LYZL1: variants seen among roughly 807,000 people sequenced by gnomAD.
LYZL1 encodes lysozyme-like protein 1.
LYZL1 carries 16 observed loss-of-function variants against 17.9 expected under a neutral mutation model. That is an observed-to-expected ratio of 0.90 (90% CI 0.61 to 1.36). LYZL1 has a LOEUF of 1.36. Among genes scored for constraint, LYZL1 ranks in the 40% most tolerant of loss-of-function variants. The pLI, the probability that LYZL1 is intolerant of heterozygous loss-of-function variation, is 0.00. For synonymous variants in LYZL1, 58 were observed against 71.8 expected, an observed-to-expected ratio of 0.81 and a Z score of 0.97; for missense variants, 149 against 188.4, an observed-to-expected ratio of 0.79 and a Z score of 1.22.
exon 5 of LYZL1, chr10:29,318,244 T>C: frequency 1.0e-6 from 1 of 955,370 alleles, no homozygotes. Context: ...AGTGGCAACA[T>C]AATTCTTGGT....
At chr10:29,310,901 AT>A in intron 4 of LYZL1, 88 bp from the exon 5 acceptor site, 12 of 1,603,268 alleles carry the variant, frequency 7.5e-6, no homozygotes, top group Non-Finnish European at 8.5e-6. Flanking sequence ...TCCGCTGGCG[AT>A]TTTGGTTAAT....
intron 2 of LYZL1, among the ~76,000 whole-genome samples, chr10:29,292,307 C>T (rs1231233084): frequency 1.3e-5 from 2 of 151,568 alleles, no homozygotes; most frequent in African/African-American, 2.4e-5. Flanking sequence ...AGATTAGGCT[C>T]AGCCCCTGAC....
At chr10:29,304,218 A>C (rs190176775) in intron 3 of LYZL1, among the ~76,000 whole-genome samples, 4 of 152,336 alleles carry the variant, frequency 2.6e-5, no homozygotes, top group Admixed American at 2.6e-4. Flanking sequence ...ATACCTACAC[A>C]TATACATACA....
At chr10:29,313,481 A>T (rs891171449), downstream of LYZL1, among the ~76,000 whole-genome samples, 69 of 152,190 alleles carry the variant, frequency 4.5e-4, 1 homozygote, top group Admixed American at 6.5e-5. Flanking sequence ...ATTTTTTTTA[A>T]ACCAACTCCA....
downstream of LYZL1, among the ~76,000 whole-genome samples, chr10:29,316,031 T>C (rs1166436169): frequency 1.3e-5 from 2 of 152,120 alleles, no homozygotes; most frequent in Non-Finnish European, 2.9e-5. Context: ...GCGCTTGGGC[T>C]GCAAGCAGTT....
Position 29,309,419 on chromosome 10 carries a change from G to A in LYZL1, c.299-691G>A, listed in dbSNP as rs117590255. ...CAATATGAAATGACAATAGACAAAG[G>A]TTTAATATTTACCTCCAAAGAGAAC... On this transcript the variant is annotated intron_variant, in intron 3 of 4. Transcript: ENST00000649382. Among the ~76,000 whole-genome samples the A allele has an allele frequency of 7.4e-3, 1,120 of 152,198 alleles. 19 individuals carry two copies. Among genetic ancestry groups the A allele is most frequent in the East Asian group, 0.066 (344 of 5,176 alleles).
intron 3 of LYZL1, among the ~76,000 whole-genome samples, chr10:29,297,384 G>A (rs986069868): frequency 6.6e-6 from 1 of 152,102 alleles, no homozygotes; most frequent in Non-Finnish European, 1.5e-5. Context: ...AATTTGTAAG[G>A]TTCATCACAT....
At chr10:29,315,835 T>G, downstream of LYZL1, among the ~76,000 whole-genome samples, 1 of 146,630 alleles carries the variant, frequency 6.8e-6, no homozygotes, top group African/African-American at 2.5e-5. Context: ...GGCAACAGAG[T>G]GAAACACTGT....
chr10:29,306,641 G>T (rs1453151588), intron 3 of LYZL1, among the ~76,000 whole-genome samples: 8 of 146,488 alleles, frequency 5.5e-5, no homozygotes, highest in Admixed American at 1.3e-4. Flanking sequence ...ATAGTTTTTT[G>T]AATTTTTCCC....
At chr10:29,308,803 A>T (rs1835631974) in intron 3 of LYZL1, among the ~76,000 whole-genome samples, 1 of 151,800 alleles carries the variant, frequency 6.6e-6, no homozygotes, top group South Asian at 2.1e-4. Flanking sequence ...TGCAAAAAAT[A>T]CAGATAATAA....
chr10:29,292,807 G>A, intron 3 of LYZL1, 130 bp downstream of exon 3: 2 of 1,354,066 alleles, frequency 1.5e-6, no homozygotes, highest in Non-Finnish European at 2.0e-6. Flanking sequence ...GTTCCAGATT[G>A]GTAAATTATG....
At chr10:29,289,624 G>A (rs1835334204) in intron 1 of LYZL1, among the ~76,000 whole-genome samples, 1 of 151,848 alleles carries the variant, frequency 6.6e-6, no homozygotes, top group Non-Finnish European at 1.5e-5. Context: ...TACCTTTGCT[G>A]CCCAGGCTAG....
intron 1 of LYZL1, among the ~76,000 whole-genome samples, chr10:29,290,711 C>T (rs374231495): frequency 2.7e-4 from 41 of 152,002 alleles, no homozygotes; most frequent in African/African-American, 6.5e-4. Context: ...TGGTGGTGGG[C>T]GCCTGTAATC....
Position 29,292,501 on chromosome 10 carries a change from TG to T in LYZL1, c.140-16del, listed in dbSNP as rs1330189454. ...GATGCACTTCCTTTGCTGGCGTTTC[TG>T]GCTTTCCCCCCTCCAGGGATCTGCA... On this transcript the variant is annotated splice_polypyrimidine_tract_variant and intron_variant, in intron 2 of 4. Coordinates refer to ENST00000649382, the MANE Select transcript of LYZL1 (RefSeq NM_032517.6). 10 of 1,610,922 alleles carry T rather than the reference TG, an allele frequency of 6.2e-6. No individual in the cohort carries two copies. The East Asian group carries it at 8.9e-5, about 14-fold the overall frequency.
Position 29,300,973 on chromosome 10 carries a change from C to T in LYZL1, c.298+8296C>T, listed in dbSNP as rs541856945. On this transcript the variant is annotated intron_variant, in intron 3 of 4. Coordinates refer to ENST00000649382, the MANE Select transcript of LYZL1 (RefSeq NM_032517.6). The stretch of plus-strand genomic sequence containing the variant: ...AGTAGCTGGGACCACAGGCACATGC[C>T]ACAATGCCTGGCTGGTTTTTATTTT... Among the ~76,000 whole-genome samples, 7 of 152,222 alleles carry T rather than the reference C, an allele frequency of 4.6e-5. No individual in the cohort carries two copies. In the East Asian group the frequency reaches 1.4e-3, roughly 29 times the overall value.
At chr10:29,295,508 G>A (rs1835435519) in intron 3 of LYZL1, among the ~76,000 whole-genome samples, 3 of 152,140 alleles carry the variant, frequency 2.0e-5, no homozygotes, top group Non-Finnish European at 2.9e-5. Context: ...AGGATTAAAT[G>A]TGTGCATTTA....
chr10:29,294,367 A>G lies in LYZL1; in HGVS notation c.298+1690A>G, dbSNP rs896041704. On this transcript the variant is annotated intron_variant, in intron 3 of 4. Coordinates refer to ENST00000649382, the MANE Select transcript of LYZL1 (RefSeq NM_032517.6). ...CAGGGTGTGGGATAGATTAAAGCAG[A>G]GACCATTTAAGTGTCACCACAGTTA... is the stretch of plus-strand genomic sequence containing the variant. 1.8e-4 allele frequency among the ~76,000 whole-genome samples: 27 copies of G among 152,318 alleles called. 1 individual carries two copies. The highest frequency in any genetic ancestry group is 6.5e-4 in the African/African-American group (27 of 41,568).
At chr10:29,312,371 T>C (rs1405153279), downstream of LYZL1, among the ~76,000 whole-genome samples, 2 of 151,218 alleles carry the variant, frequency 1.3e-5, no homozygotes, top group African/African-American at 4.9e-5. Context: ...ATTAGAGCAT[T>C]ATGAGATTTT....
intron 1 of LYZL1, among the ~76,000 whole-genome samples, chr10:29,291,024 C>G (rs184208021): frequency 7.5e-4 from 114 of 152,172 alleles, no homozygotes; most frequent in East Asian, 6.8e-3. Context: ...CTGAAATGGG[C>G]TGTCTGTTTC....
Sources: gnomAD v4.1 joint callset for allele counts (sites outside exome capture counted in the v4.1 genomes callset) on GRCh38, gnomAD v4.1.1 for gene constraint, MANE v1.5 for transcripts, NCBI Gene and HGNC (gene_info 2026-07-23, HGNC 2026-07-21) for gene names.